The following RBFOX1 variants were observed in gnomAD, a reference collection of about 807,000 sequenced individuals.
The protein encoded by RBFOX1 is RNA binding fox-1 homolog 1.
A neutral mutation model predicts 57.7 loss-of-function variants in RBFOX1; 8 were observed. The ratio of observed to expected loss-of-function variants is 0.14; its 90% CI spans 0.08 to 0.25. The LOEUF (loss-of-function observed/expected upper bound fraction) is 0.25. Among genes scored for constraint, RBFOX1 ranks in the 10% least tolerant of loss-of-function variants. The probability of loss-of-function intolerance (pLI) is 1.00; values close to 1 mark genes in which losing one functional copy is unlikely to be tolerated. For synonymous variants in RBFOX1, 326 were observed against 222.4 expected, an observed-to-expected ratio of 1.47 and a Z score of -4.15; for missense variants, 611 against 548.5, an observed-to-expected ratio of 1.11 and a Z score of -1.14.
chr16:6,663,891 C>A (rs1364151377), intron 3 of RBFOX1, among the ~76,000 whole-genome samples: 1 of 152,162 alleles, frequency 6.6e-6, no homozygotes, highest in African/African-American at 2.4e-5. Context: ...GAATACACGT[C>A]AGTGTAGCTG....
chr16:6,198,049 A>C (rs546385685), intron 1 of RBFOX1, among the ~76,000 whole-genome samples: 1 of 152,318 alleles, frequency 6.6e-6, no homozygotes, highest in African/African-American at 2.4e-5. Context: ...GCATTGAATT[A>C]ACTAATACTT....
chr16:7,163,142 A>G (rs878956994), intron 4 of RBFOX1, among the ~76,000 whole-genome samples: 1 of 152,006 alleles, frequency 6.6e-6, no homozygotes, highest in Non-Finnish European at 1.5e-5. Context: ...AACACTTTTG[A>G]CATTTTTTTT....
intron 1 of RBFOX1, among the ~76,000 whole-genome samples, chr16:6,124,647 C>A (rs539535549): frequency 6.6e-6 from 1 of 152,068 alleles, no homozygotes; most frequent in East Asian, 1.9e-4. Context: ...GGATTACAGG[C>A]ATGCACCAGC....
chr16:6,857,130 T>C (rs1327322496), intron 3 of RBFOX1, among the ~76,000 whole-genome samples: 1 of 152,110 alleles, frequency 6.6e-6, no homozygotes, highest in Non-Finnish European at 1.5e-5. Context: ...CTCTGTAGAG[T>C]GATTTTTTGT....
intron 4 of RBFOX1, among the ~76,000 whole-genome samples, chr16:7,430,436 C>G (rs1234528189): frequency 6.6e-6 from 1 of 152,006 alleles, no homozygotes; most frequent in African/African-American, 2.4e-5. Context: ...CTGAGGCAGG[C>G]AGATCACAAG....
At chr16:7,093,008 A>C (rs1374013514) in intron 4 of RBFOX1, among the ~76,000 whole-genome samples, 3 of 152,152 alleles carry the variant, frequency 2.0e-5, no homozygotes, top group Non-Finnish European at 4.4e-5. Context: ...CAAAGGAAAC[A>C]TTTTTGTTTT....
At chr16:6,277,451 T>C (rs1485186929) in intron 1 of RBFOX1, among the ~76,000 whole-genome samples, 1 of 73,660 alleles carries the variant, frequency 1.4e-5, no homozygotes, top group African/African-American at 6.5e-5. Flanking sequence ...AACAAGAGTC[T>C]GTCTCCCAAA....
intron 1 of RBFOX1, among the ~76,000 whole-genome samples, chr16:5,409,082 A>G (rs1230448881): frequency 1.3e-5 from 2 of 152,212 alleles, no homozygotes; most frequent in Non-Finnish European, 2.9e-5. Flanking sequence ...GTGTTAAGGT[A>G]GGGTGGGCAT....
chr16:5,706,385 C>T (rs2051248647), intron 3 of RBFOX1, among the ~76,000 whole-genome samples: 1 of 152,196 alleles, frequency 6.6e-6, no homozygotes, highest in African/African-American at 2.4e-5. Context: ...TGCCCCGAAT[C>T]ACCAAGCACT....
At chr16:7,676,025 A>G (rs967171859) in intron 13 of RBFOX1, among the ~76,000 whole-genome samples, 3 of 152,332 alleles carry the variant, frequency 2.0e-5, no homozygotes, top group African/African-American at 7.2e-5. Flanking sequence ...AACAATTGCA[A>G]TTACTGGTAC....
chr16:7,540,065 G>A (rs928592235), intron 5 of RBFOX1, among the ~76,000 whole-genome samples: 5 of 152,206 alleles, frequency 3.3e-5, no homozygotes, highest in African/African-American at 1.2e-4. Flanking sequence ...TATCATGTAT[G>A]TCATTATTGC....
At chr16:5,978,636 A>G (rs2060113762) in intron 4 of RBFOX1, among the ~76,000 whole-genome samples, 1 of 151,822 alleles carries the variant, frequency 6.6e-6, no homozygotes, top group South Asian at 2.1e-4. Context: ...GTTATGTGAA[A>G]AAGACTCAGA....
At chr16:7,579,424 C>A (rs2152833315) in intron 5 of RBFOX1, among the ~76,000 whole-genome samples, 1 of 152,244 alleles carries the variant, frequency 6.6e-6, no homozygotes, top group South Asian at 2.1e-4. Context: ...CCAACCCCAG[C>A]AGCTCCCAGT....
intron 3 of RBFOX1, among the ~76,000 whole-genome samples, chr16:7,023,570 A>AAAAAAAAAAAAAAAAAAAAAAAAC (rs2039972313): frequency 7.0e-6 from 1 of 143,208 alleles, no homozygotes; most frequent in African/African-American, 2.6e-5. Context: ...GTACTAAAAA[A>AAAAAAAAAAAAAAAAAAAAAAAAC]AAAAAAAAAA....
chr16:5,295,025 TA>T lies in RBFOX1; in HGVS notation c.219+54939del, dbSNP rs34929778. Among the ~76,000 whole-genome samples the T allele has an allele frequency of 8.0e-3, 643 of 80,378 alleles. 11 individuals are homozygous for T. Among genetic ancestry groups the T allele is most frequent in the African/African-American group, 0.019 (567 of 30,116 alleles). The allele number at this position is 80,378 out of a possible 152,430, so 52.7% of individuals were successfully genotyped here. A position where few individuals can be genotyped will look rare whatever the true frequency, so the allele number is the denominator to read the frequency against. On this transcript the variant is annotated intron_variant, in intron 1 of 2. Coordinates refer to the RBFOX1 transcript ENST00000585867. ...AGCCTGGGTGACAGAGTGAGACTCT[TA>T]AAAAAAAAAAAAAAAAAAGACAGAG...
chr16:7,453,568 C>G (rs1249235561), intron 4 of RBFOX1, among the ~76,000 whole-genome samples: 2 of 152,148 alleles, frequency 1.3e-5, no homozygotes, highest in East Asian at 1.9e-4. Context: ...GCCAGGAGCT[C>G]TGAGAAAACA....
intron 4 of RBFOX1, among the ~76,000 whole-genome samples, chr16:7,220,188 A>G (rs1337413535): frequency 6.6e-6 from 1 of 152,170 alleles, no homozygotes; most frequent in Non-Finnish European, 1.5e-5. Flanking sequence ...TGCAGGAGGA[A>G]AATTCTTGAC....
chr16:7,008,202 C>T (rs552219970), intron 3 of RBFOX1, among the ~76,000 whole-genome samples: 4 of 151,944 alleles, frequency 2.6e-5, no homozygotes, highest in Non-Finnish European at 4.4e-5. Flanking sequence ...ATATTTTTGG[C>T]GAATTGGCTT....
At chr16:5,517,109 A>G (rs2043821004) in intron 2 of RBFOX1, among the ~76,000 whole-genome samples, 1 of 152,056 alleles carries the variant, frequency 6.6e-6, no homozygotes, top group Admixed American at 6.6e-5. Flanking sequence ...GGCCTATAGT[A>G]AGAAGCAAGT....
Sources: gnomAD v4.1 joint callset for allele counts (sites outside exome capture counted in the v4.1 genomes callset) on GRCh38, gnomAD v4.1.1 for gene constraint, MANE v1.5 for transcripts, NCBI Gene and HGNC (gene_info 2026-07-23, HGNC 2026-07-21) for gene names.